FBXL7: variants seen among roughly 807,000 people sequenced by gnomAD.
The protein encoded by FBXL7 is F-box/LRR-repeat protein 7.
Under a neutral mutation model 38.3 loss-of-function variants are expected in FBXL7, and 12 were observed. The ratio of observed to expected loss-of-function variants is 0.31; its 90% CI spans 0.20 to 0.51. The LOEUF (loss-of-function observed/expected upper bound fraction) is 0.51. FBXL7 is among the 20% of genes least tolerant of loss of function. The probability of loss-of-function intolerance (pLI) is 0.98; values close to 1 mark genes in which losing one functional copy is unlikely to be tolerated. For synonymous variants in FBXL7, 297 were observed against 300.9 expected, an observed-to-expected ratio of 0.99 and a Z score of 0.13; for missense variants, 567 against 676.4, an observed-to-expected ratio of 0.84 and a Z score of 1.79.
chr5:15,877,117 G>C (rs1409924915), intron 2 of FBXL7, among the ~76,000 whole-genome samples: 3 of 152,152 alleles, frequency 2.0e-5, no homozygotes, highest in Non-Finnish European at 4.4e-5. Context: ...CAAACCCCCA[G>C]CACACAGCAT....
chr5:15,507,676 G>A (rs1360796450), intron 1 of FBXL7, among the ~76,000 whole-genome samples: 30 of 152,126 alleles, frequency 2.0e-4, no homozygotes, highest in Non-Finnish European at 1.5e-5. Flanking sequence ...AATGGATGAA[G>A]GGAATAAATA....
chr5:15,932,292 C>T (rs567029902), intron 3 of FBXL7, among the ~76,000 whole-genome samples: 8 of 152,278 alleles, frequency 5.3e-5, no homozygotes, highest in Non-Finnish European at 1.0e-4. Flanking sequence ...CTCAATAAAT[C>T]GCAGCTGTCA....
chr5:15,754,052 A>T (rs1736226183), intron 2 of FBXL7, among the ~76,000 whole-genome samples: 1 of 152,220 alleles, frequency 6.6e-6, no homozygotes, highest in South Asian at 2.1e-4. Flanking sequence ...CAACAGAATC[A>T]CTGGACCTCA....
chr5:15,563,158 GA>G (rs1223084430), intron 1 of FBXL7, among the ~76,000 whole-genome samples: 1 of 152,064 alleles, frequency 6.6e-6, no homozygotes, highest in African/African-American at 2.4e-5. Context: ...TGGAATTTTT[GA>G]ATTTCTTAGA....
At chr5:15,501,717 A>G (rs1362472107) in intron 1 of FBXL7, 2 of 985,380 alleles carry the variant, frequency 2.0e-6, no homozygotes, top group Non-Finnish European at 2.4e-6. Context: ...AGCTGTGGCC[A>G]CAGAATGTGG....
At chr5:15,572,011 T>TA (rs1413701691) in intron 1 of FBXL7, among the ~76,000 whole-genome samples, 1 of 152,154 alleles carries the variant, frequency 6.6e-6, no homozygotes, top group African/African-American at 2.4e-5. Flanking sequence ...TATTAATCTG[T>TA]ATTCATATGT....
At chr5:15,830,442 C>G (rs914752283) in intron 2 of FBXL7, among the ~76,000 whole-genome samples, 1 of 150,540 alleles carries the variant, frequency 6.6e-6, no homozygotes. Flanking sequence ...CGAGATCATG[C>G]CACTATACTC....
At chr5:15,612,167 A>G (rs1398006202) in intron 1 of FBXL7, among the ~76,000 whole-genome samples, 2 of 152,146 alleles carry the variant, frequency 1.3e-5, no homozygotes. Flanking sequence ...TACATAGTAC[A>G]TAAGAGATAT....
At chr5:15,603,901 C>G (rs968490095) in intron 1 of FBXL7, among the ~76,000 whole-genome samples, 2 of 152,166 alleles carry the variant, frequency 1.3e-5, no homozygotes, top group Non-Finnish European at 2.9e-5. Flanking sequence ...TTTTGGGAGG[C>G]TGAGGCGAGT....
intron 2 of FBXL7, among the ~76,000 whole-genome samples, chr5:15,663,831 G>C (rs138648931): frequency 1.3e-5 from 2 of 152,268 alleles, no homozygotes; most frequent in African/African-American, 4.8e-5. Context: ...TACCCTCTTA[G>C]CGAATTTTAA....
chr5:15,817,997 G>A (rs533112666), intron 2 of FBXL7, among the ~76,000 whole-genome samples: 1 of 152,264 alleles, frequency 6.6e-6, no homozygotes, highest in South Asian at 2.1e-4. Flanking sequence ...TTTAGGAGCT[G>A]GGGATATGGC....
rs544870981 is a variant in FBXL7, at chr5:15,689,163, G to T, written c.127+73091G>T. Among the ~76,000 whole-genome samples, 7 of 152,150 alleles carry T rather than the reference G, an allele frequency of 4.6e-5. No individual in the cohort carries two copies. In the South Asian group the frequency reaches 1.2e-3, roughly 27 times the overall value. On this transcript the variant is annotated intron_variant, in intron 2 of 3. Coordinates refer to ENST00000504595, the MANE Select transcript of FBXL7 (RefSeq NM_012304.5). ...CTATTGCTGCTTGCTGAGCTGGCCT[G>T]CATGTCACACTGACATTGAGGAGTT...
chr5:15,675,674 G>T (rs1742629961), intron 2 of FBXL7, among the ~76,000 whole-genome samples: 1 of 152,164 alleles, frequency 6.6e-6, no homozygotes, highest in South Asian at 2.1e-4. Flanking sequence ...CTGCTAATAT[G>T]CGGTTTATAA....
chr5:15,796,272 A>G (rs1341683161), intron 2 of FBXL7, among the ~76,000 whole-genome samples: 2 of 152,182 alleles, frequency 1.3e-5, no homozygotes, highest in African/African-American at 2.4e-5. Flanking sequence ...TGAGTCCTCT[A>G]ACATTAGAGG....
chr5:15,731,675 C>T (rs369600273), intron 2 of FBXL7, among the ~76,000 whole-genome samples: 22 of 152,270 alleles, frequency 1.4e-4, no homozygotes, highest in African/African-American at 4.8e-4. Context: ...GAAAGCCTTT[C>T]TTTAATAATC....
At position 15,561,008 on chromosome 5, in the gene FBXL7, A is replaced by G. The variant is rs369648035; in HGVS notation, c.38-54975A>G. On this transcript the variant is annotated intron_variant, in intron 1 of 3. Transcript: ENST00000504595. ...TAGGGTCAAGTAAATTAACATATCCATCATCTCACATGTTTCCGTTTTTTG... is the reference window on the plus strand; with the variant it reads ...TAGGGTCAAGTAAATTAACATATCCGTCATCTCACATGTTTCCGTTTTTTG... 7.9e-5 allele frequency among the ~76,000 whole-genome samples: 12 copies of G among 152,306 alleles called. 1 individual carries two copies. Among genetic ancestry groups the G allele is most frequent in the Admixed American group, 5.9e-4 (9 of 15,290 alleles).
intron 2 of FBXL7, among the ~76,000 whole-genome samples, chr5:15,837,307 A>G (rs1738620954): frequency 6.6e-6 from 1 of 152,222 alleles, no homozygotes; most frequent in South Asian, 2.1e-4. Context: ...AACTGCATAT[A>G]TAGGATAAAA....
chr5:15,699,404 GCATTGCTC>G (rs1743453278), intron 2 of FBXL7, among the ~76,000 whole-genome samples: 1 of 152,138 alleles, frequency 6.6e-6, no homozygotes, highest in South Asian at 2.1e-4. Flanking sequence ...GCTTGCAGCT[GCATTGCTC>G]CAGCCTCTTC....
intron 1 of FBXL7, among the ~76,000 whole-genome samples, chr5:15,547,928 A>C (rs888517937): frequency 1.3e-5 from 2 of 152,174 alleles, no homozygotes; most frequent in African/African-American, 2.4e-5. Context: ...ACCTGCAGGC[A>C]TGGTTAGTTT....
Sources: gnomAD v4.1 joint callset for allele counts (sites outside exome capture counted in the v4.1 genomes callset) on GRCh38, gnomAD v4.1.1 for gene constraint, MANE v1.5 for transcripts, NCBI Gene and HGNC (gene_info 2026-07-23, HGNC 2026-07-21) for gene names.